Variants in GPD1 observed in about 807,000 individuals in gnomAD.
The protein encoded by GPD1 is glycerol-3-phosphate dehydrogenase 1.
In GPD1, 19 loss-of-function variants were observed where a neutral mutation model predicts 34.4. That is an observed-to-expected ratio of 0.55 (90% confidence interval 0.39 to 0.81). The LOEUF (loss-of-function observed/expected upper bound fraction) is 0.81. GPD1 is among the 30% of genes least tolerant of loss of function. The pLI, the probability that GPD1 is intolerant of heterozygous loss-of-function variation, is 0.00. For synonymous variants in GPD1, 172 were observed against 174.1 expected, an observed-to-expected ratio of 0.99 and a Z score of 0.09; for missense variants, 429 against 447.0, an observed-to-expected ratio of 0.96 and a Z score of 0.36.
chr12:50,107,298 G>A lies in GPD1; in HGVS notation c.613-269G>A, dbSNP rs1351149644. ...CTGGACAGCTGTTGACTTGAGGGCT[G>A]TACAATGGAATGGTCATAGATGGGA... On this transcript the variant is annotated intron_variant, in intron 5 of 7. Transcript: ENST00000301149. 3 of 664,304 alleles carry A rather than the reference G, an allele frequency of 4.5e-6. No homozygotes were observed. The East Asian group carries it at 9.0e-5, about 20-fold the overall frequency. The allele number at this position is 664,304 out of a possible 1,614,324, so 41.2% of individuals were successfully genotyped here. A position where few individuals can be genotyped will look rare whatever the true frequency, so the allele number is the denominator to read the frequency against.
chr12:50,104,542 C>T, intron 1 of GPD1, 32 bp from the exon 2 acceptor site: 1 of 1,577,280 alleles, frequency 6.3e-7, no homozygotes, highest in Non-Finnish European at 8.7e-7. Context: ...GTTCCCTCCT[C>T]CTGTACTTTC....
chr12:50,107,218 T>A (rs1477384338), intron 5 of GPD1: 4 of 650,540 alleles, frequency 6.1e-6, no homozygotes, highest in South Asian at 3.0e-5. Flanking sequence ...CCCAGGCTAA[T>A]GGGAGACAAA....
rs1450440356 is a variant in GPD1, at chr12:50,111,282, G to C, written c.*1763G>C. The C allele has an allele frequency of 2.0e-5, 3 of 152,216 alleles. No homozygotes were observed. The highest frequency in any genetic ancestry group is 4.4e-5 in the Non-Finnish European group (3 of 68,064). 9.4% of individuals were successfully genotyped at this position (152,216 alleles called of 1,614,324 possible). On this transcript the variant is annotated 3_prime_UTR_variant, in exon 8 of 8. Coordinates refer to ENST00000301149, the MANE Select transcript of GPD1 (RefSeq NM_005276.4). The surrounding 1 kb of genome is among the most constrained non-coding windows in gnomAD (Gnocchi z 4.1). ...TCAGGCCTTCCCATCAGGCCTATTT[G>C]TCTACCCAATAAAGCGTGTTTTTTC...
In GPD1 at chr12:50,107,800, G is replaced by C; in HGVS notation, c.846G>C (p.Lys282Asn). Reference protein sequence around the residue: ...KVAEAFARTGKSIEQLEKELL... With the variant: ...KVAEAFARTGNSIEQLEKELL... ...CTGAGGCCTTTGCGCGTACAGGAAA[G>C]GTGGGCCCCGGGAGAAGGGAGAACA... is the stretch of plus-strand genomic sequence containing the variant. Residue 282 changes from lysine (K) to asparagine (N), a missense_variant and splice_region_variant, in exon 6 of 8, where the codon AAG becomes AAC. By Grantham distance (94) the Lys-to-Asn change is moderately conservative. Transcript: ENST00000301149. 1 of 1,605,906 alleles carries C rather than the reference G, an allele frequency of 6.2e-7. No individual in the cohort carries two copies. Among genetic ancestry groups the C allele is most frequent in the Non-Finnish European group, 8.5e-7 (1 of 1,172,480 alleles).
At position 50,107,786 on chromosome 12, in the gene GPD1, G is replaced by T. The variant is rs1365918795; in HGVS notation, c.832G>T (p.Ala278Ser). The T allele has an allele frequency of 5.6e-6, 9 of 1,612,052 alleles. No homozygotes were observed. In the African/African-American group the frequency reaches 9.3e-5, roughly 17 times the overall value. Residue 278 changes from alanine (A) to serine (S), a missense_variant, in exon 6 of 8, where the codon GCG becomes TCG. Coordinates refer to ENST00000301149, the MANE Select transcript of GPD1 (RefSeq NM_005276.4). ...GAACCGGAAAGTGGCTGAGGCCTTTGCGCGTACAGGAAAGGTGGGCCCCGG... is the reference window on the plus strand; with the variant it reads ...GAACCGGAAAGTGGCTGAGGCCTTTTCGCGTACAGGAAAGGTGGGCCCCGG... ...GRNRKVAEAF[A>S]RTGKSIEQLE...
Position 50,106,298 on chromosome 12 carries a change from A to G in GPD1, c.371A>G (p.Glu124Gly). The G allele has an allele frequency of 6.2e-7, 1 of 1,610,672 alleles. No homozygotes were observed. Among genetic ancestry groups the G allele is most frequent in the Non-Finnish European group, 8.5e-7 (1 of 1,178,922 alleles). Residue 124 changes from glutamate (E) to glycine (G), a missense_variant, in exon 4 of 8, where the codon GAG becomes GGG. By Grantham distance (98) the Glu-to-Gly change is moderately conservative (BLOSUM62 -2). Transcript: ENST00000301149. ...CCATCCTGTGCTCAGGGGGTAGACG[A>G]GGGCCCCAATGGGCTGAAGCTCATC... is the stretch of plus-strand genomic sequence containing the variant. ...TGISLIKGVD[E>G]GPNGLKLISE...
rs769201144 is a variant in GPD1 at position 50,106,833 on chromosome 12, C to A, written c.528C>A (p.Leu176=). ...IGCKDPAQGQ[L]LKELMQTPNF... ...GCAAGGACCCGGCCCAGGGACAACT[C>A]CTGAAAGAGCTGATGCAGACACCAA... Residue 176 remains leucine (L), a synonymous_variant, in exon 5 of 8, where the codon CTC becomes CTA. Transcript: ENST00000301149. 1.2e-6 allele frequency: 2 copies of A among 1,609,696 alleles called. No homozygotes were observed. Among genetic ancestry groups the A allele is most frequent in the Non-Finnish European group, 1.7e-6 (2 of 1,176,580 alleles).
rs73123514 is a variant in GPD1 at position 50,106,598 on chromosome 12, A to T, written c.499+172A>T. Among the ~76,000 whole-genome samples the T allele has an allele frequency of 0.021, 3,248 of 152,260 alleles. 60 individuals carry two copies. Among genetic ancestry groups the T allele is most frequent in the Non-Finnish European group, 0.031 (2,141 of 68,004 alleles). On this transcript the variant is annotated intron_variant, in intron 4 of 7. Transcript: ENST00000301149. ...AGGGAAGGGGCTTCAGGGCCTGCTTAGGGAAACACAGTGATGAGCCCTCCC... is the reference window on the plus strand; with the variant it reads ...AGGGAAGGGGCTTCAGGGCCTGCTTTGGGAAACACAGTGATGAGCCCTCCC...
In GPD1 at chr12:50,106,891, A is replaced by C; in HGVS notation, c.586A>C (p.Thr196Pro). ...FRITVVQEVD[T>P]VEICGALKNV... is the part of the protein sequence containing the mutation. ...TATCACAGTGGTGCAAGAGGTGGAC[A>C]CAGTAGAGATCTGTGGAGCCTTAAA... The change falls in exon 5 of 8, where the codon ACA (threonine) becomes CCA (proline). Residue 196 changes from threonine to proline, a missense_variant. Transcript: ENST00000301149. 1 of 1,610,786 alleles carries C rather than the reference A, an allele frequency of 6.2e-7. No individual in the cohort carries two copies. Among genetic ancestry groups the C allele is most frequent in the South Asian group, 1.1e-5 (1 of 91,014 alleles).
Position 50,105,697 on chromosome 12 carries a change from G to A in GPD1, c.360+9G>A, listed in dbSNP as rs1950973074. On this transcript the variant is annotated intron_variant, in intron 3 of 7. Transcript: ENST00000301149. Reference sequence around the variant, plus strand: ...GCATATCTCTTATTAAGGTGCCAGGGACACCTTCATGTGGATGGGGGAGGG... The same window carrying A: ...GCATATCTCTTATTAAGGTGCCAGGAACACCTTCATGTGGATGGGGGAGGG... 4.3e-6 allele frequency: 7 copies of A among 1,613,886 alleles called. No individual in the cohort carries two copies. Among genetic ancestry groups the A allele is most frequent in the Non-Finnish European group, 4.2e-6 (5 of 1,179,842 alleles).
At chr12:50,109,321 G>T in intron 7 of GPD1, 102 bp from the exon 8 acceptor site, 1 of 703,318 alleles carries the variant, frequency 1.4e-6, no homozygotes, top group South Asian at 1.5e-5. Context: ...TGAGCTCCAA[G>T]GTGGGAGGGC....
rs1383507386 is a variant in GPD1, at chr12:50,110,158, C to G, written c.*639C>G. 6.5e-6 allele frequency: 1 copy of G among 152,782 alleles called. No individual in the cohort carries two copies. The highest frequency in any genetic ancestry group is 1.9e-4 in the East Asian group (1 of 5,188). The allele number at this position is 152,782 out of a possible 1,614,324, so 9.5% of individuals were successfully genotyped here. ...TCTGGTTCTCCCCCTTCCCCCTCCC[C>G]CAGGCTGCCCTGGCACCCAAATTGC... On this transcript the variant is annotated 3_prime_UTR_variant, in exon 8 of 8. Coordinates refer to ENST00000301149, the MANE Select transcript of GPD1 (RefSeq NM_005276.4).
intron 5 of GPD1, chr12:50,107,125 C>T: frequency 1.5e-6 from 1 of 689,538 alleles, no homozygotes; most frequent in Non-Finnish European, 2.7e-6. Context: ...ACCGTGGACC[C>T]CCTTGCTCCT....
intron 1 of GPD1, chr12:50,104,343 G>A (rs1950962732): frequency 1.4e-6 from 1 of 705,648 alleles, no homozygotes; most frequent in African/African-American, 1.7e-5. Flanking sequence ...TTTGGGGGTG[G>A]GAAGATGAGA....
rs1950978204 is a variant in GPD1 at position 50,106,337 on chromosome 12, G to A, written c.410G>A (p.Gly137Glu). The A allele has an allele frequency of 6.2e-7, 1 of 1,613,692 alleles. No homozygotes were observed. The highest frequency in any genetic ancestry group is 8.5e-7 in the Non-Finnish European group (1 of 1,179,810). The change falls in exon 4 of 8, where the codon GGG becomes GAG. Residue 137 changes from glycine to glutamate, a missense_variant. Physicochemically the swap from Gly to Glu is moderately conservative, Grantham distance 98 (BLOSUM62 -2). Transcript: ENST00000301149. ...CTGAAGCTCATCTCGGAAGTGATTG[G>A]GGAGCGCCTCGGCATCCCCATGAGT... ...NGLKLISEVI[G>E]ERLGIPMSVL...
intron 7 of GPD1, among the ~76,000 whole-genome samples, 195 bp from the exon 8 acceptor site, chr12:50,109,227 AG>A (rs1179579465): frequency 6.6e-6 from 1 of 151,032 alleles, no homozygotes; most frequent in African/African-American, 2.4e-5. Context: ...CATGGTAGGG[AG>A]CAGGGCAATT....
rs773088027 is a variant in GPD1 at position 50,105,578 on chromosome 12, G to A, written c.250G>A (p.Glu84Lys). The A allele has an allele frequency of 7.4e-6, 12 of 1,613,980 alleles. No homozygotes were observed. The Admixed American group carries it at 2.0e-4, about 27-fold the overall frequency. ...VAVPDVVQAA[E>K]DADILIFVVP... ...TGTCCCAGATGTGGTCCAGGCTGCA[G>A]AGGATGCTGACATCCTGATCTTTGT... is the stretch of plus-strand genomic sequence containing the variant. The change falls in exon 3 of 8, where the codon GAG becomes AAG. Residue 84 changes from glutamate to lysine, a missense_variant. Physicochemically the swap from Glu to Lys is moderately conservative, Grantham distance 56. Transcript: ENST00000301149.
At chr12:50,107,989 C>T in intron 6 of GPD1, 35 bp from the exon 7 acceptor site, 2 of 1,386,954 alleles carry the variant, frequency 1.4e-6, no homozygotes, top group South Asian at 1.2e-5. Flanking sequence ...ACCCTTCTCT[C>T]CCATTTCCAT....
At position 50,106,195 on chromosome 12, in the gene GPD1, A is replaced by G; in HGVS notation, c.361-93A>G. ...GCAGGACCTGTCGGGAGGGACACAG[A>G]TGAGCAATGGATTTGGAAGGGACAG... On this transcript the variant is annotated intron_variant, in intron 3 of 7. Coordinates refer to ENST00000301149, the MANE Select transcript of GPD1 (RefSeq NM_005276.4). 5 of 1,167,116 alleles carry G rather than the reference A, an allele frequency of 4.3e-6. No individual in the cohort carries two copies. The South Asian group carries it at 4.7e-5, about 11-fold the overall frequency. 72.3% of individuals were successfully genotyped at this position (1,167,116 alleles called of 1,614,324 possible).
Sources: gnomAD v4.1 joint callset for allele counts (sites outside exome capture counted in the v4.1 genomes callset) on GRCh38, gnomAD v4.1.1 for gene constraint, Gnocchi (gnomAD v3.1) non-coding constraint, MANE v1.5 for transcripts, NCBI Gene and HGNC (gene_info 2026-07-23, HGNC 2026-07-21) for gene names.